Variants in DCLK1 observed in about 807,000 individuals in gnomAD.
DCLK1 encodes the protein serine/threonine-protein kinase DCLK1.
A neutral mutation model predicts 86.2 loss-of-function variants in DCLK1; 16 were observed. The ratio of observed to expected loss-of-function variants is 0.19; its 90% confidence interval spans 0.13 to 0.28. DCLK1 has a LOEUF of 0.28. Ranked by LOEUF, DCLK1 falls within the 10% of genes least tolerant of loss-of-function variation. DCLK1 has a pLI of 1.00. For synonymous variants in DCLK1, 369 were observed against 370.5 expected (o/e 1.00, Z 0.05); for missense variants, 590 against 940.2 (o/e 0.63, Z 4.87).
chr13:35,966,809 A>C lies in DCLK1; in HGVS notation c.724-19352T>G, dbSNP rs564910386. ...ACGGAGTCTCGCTCACTCAGCGCTC[A>C]ATGTTGCCCAGGCTGGAGTGCAGTG... On this transcript the variant is annotated intron_variant, in intron 3 of 16. Transcript: ENST00000360631. Among the ~76,000 whole-genome samples, 357 of 151,880 alleles carry C rather than the reference A, an allele frequency of 2.4e-3. 4 individuals carry two copies. The highest frequency in any genetic ancestry group is 8.3e-3 in the African/African-American group (344 of 41,444).
At chr13:35,867,967 G>GAAAGAAAGAAAGAA (rs1871974255) in intron 5 of DCLK1, among the ~76,000 whole-genome samples, 1 of 46,208 alleles carries the variant, frequency 2.2e-5, no homozygotes, top group South Asian at 8.2e-4. Flanking sequence ...GAAAGAAAGA[G>GAAAGAAAGAAAGAA]AAAAAGAAAG....
chr13:36,007,782 C>T (rs1230006876), intron 3 of DCLK1, among the ~76,000 whole-genome samples: 1 of 152,130 alleles, frequency 6.6e-6, no homozygotes, highest in Admixed American at 6.6e-5. Context: ...CTTCAAATAA[C>T]TAACGAAACT....
chr13:35,932,634 C>A (rs959709556), intron 4 of DCLK1, among the ~76,000 whole-genome samples: 5 of 152,022 alleles, frequency 3.3e-5, no homozygotes, highest in Non-Finnish European at 4.4e-5. Flanking sequence ...AGTGGAAATC[C>A]CCAACAAAAG....
intron 4 of DCLK1, among the ~76,000 whole-genome samples, chr13:35,878,566 G>GA (rs939866414): frequency 1.3e-5 from 2 of 151,846 alleles, no homozygotes; most frequent in South Asian, 2.1e-4. Context: ...AAAATAATTA[G>GA]AAAAAATGAA....
At chr13:35,821,205 T>C (rs1181149557) in intron 11 of DCLK1, among the ~76,000 whole-genome samples, 3 of 152,178 alleles carry the variant, frequency 2.0e-5, no homozygotes, top group Middle Eastern at 3.2e-3. Context: ...ACTTACCCAA[T>C]GTGGTTGCTG....
At chr13:35,807,394 G>A (rs2087048810) in intron 14 of DCLK1, among the ~76,000 whole-genome samples, 1 of 152,126 alleles carries the variant, frequency 6.6e-6, no homozygotes, top group South Asian at 2.1e-4. Context: ...CTCCCCCTCT[G>A]CCTCTAAATC....
rs142334259 is a variant in DCLK1, at chr13:35,796,349, G to A, written c.1945-2870C>T. ...AAACTTGAGCATAATTGTGGTCTTA[G>A]GATAAGAAGCTAGTGAAAAGGGAGA... On this transcript the variant is annotated intron_variant, in intron 15 of 16. Coordinates refer to ENST00000360631, the MANE Select transcript of DCLK1 (RefSeq NM_001330071.2). 1.7e-3 allele frequency among the ~76,000 whole-genome samples: 255 copies of A among 152,282 alleles called. 1 individual carries two copies. The highest frequency in any genetic ancestry group is 3.6e-3 in the African/African-American group (150 of 41,546).
At chr13:35,892,175 C>T (rs907354965) in intron 4 of DCLK1, among the ~76,000 whole-genome samples, 3 of 152,140 alleles carry the variant, frequency 2.0e-5, no homozygotes, top group African/African-American at 7.2e-5. Context: ...GTCTGTTTCA[C>T]CCTCTCTCCT....
At chr13:35,855,975 G>T in intron 5 of DCLK1, 1 of 509,896 alleles carries the variant, frequency 2.0e-6, no homozygotes, top group Non-Finnish European at 2.5e-6. Flanking sequence ...TCAGTGGCAA[G>T]GTAGGATGTT....
chr13:36,071,565 C>G (rs1010572267), intron 3 of DCLK1, among the ~76,000 whole-genome samples: 1 of 152,272 alleles, frequency 6.6e-6, no homozygotes, highest in Admixed American at 6.5e-5. Flanking sequence ...TAGTGGCTAT[C>G]ATGAAAGCTA....
chr13:36,006,286 G>A (rs1423586824), intron 3 of DCLK1, among the ~76,000 whole-genome samples: 1 of 152,224 alleles, frequency 6.6e-6, no homozygotes, highest in East Asian at 1.9e-4. Context: ...GCCGTACCAA[G>A]GAGCTGGGAG....
chr13:35,853,963 T>C (rs1463322637), intron 6 of DCLK1, among the ~76,000 whole-genome samples: 1 of 152,194 alleles, frequency 6.6e-6, no homozygotes. Flanking sequence ...ACTTTTTCAC[T>C]GTGGTCTCCA....
chr13:35,776,574 T>G (rs181007381), intron 16 of DCLK1, among the ~76,000 whole-genome samples: 1 of 152,226 alleles, frequency 6.6e-6, no homozygotes, highest in African/African-American at 2.4e-5. Flanking sequence ...TCTCATCTTT[T>G]AAATAAGAAG....
chr13:35,813,143 G>C (rs1297689717), intron 11 of DCLK1, among the ~76,000 whole-genome samples: 1 of 152,178 alleles, frequency 6.6e-6, no homozygotes, highest in African/African-American at 2.4e-5. Flanking sequence ...GAGCAGAATT[G>C]TTTACTTCCT....
intron 3 of DCLK1, among the ~76,000 whole-genome samples, chr13:35,952,422 A>AT (rs1877744456): frequency 6.6e-6 from 1 of 152,236 alleles, no homozygotes; most frequent in Non-Finnish European, 1.5e-5. Context: ...GACACGGTTT[A>AT]TACCACTGAC....
intron 4 of DCLK1, among the ~76,000 whole-genome samples, chr13:35,907,841 T>TAAA (rs35873614): frequency 3.1e-4 from 43 of 140,702 alleles, no homozygotes; most frequent in East Asian, 8.3e-4. Flanking sequence ...GAAAAAACTT[T>TAAA]AAAAAAAAAA....
At chr13:35,993,553 A>C (rs1224425703) in intron 3 of DCLK1, among the ~76,000 whole-genome samples, 1 of 152,110 alleles carries the variant, frequency 6.6e-6, no homozygotes, top group Non-Finnish European at 1.5e-5. Context: ...TATCTGTGAA[A>C]CTTGGGGAAA....
At chr13:35,864,656 T>C (rs1260200618) in intron 5 of DCLK1, among the ~76,000 whole-genome samples, 53 of 144,754 alleles carry the variant, frequency 3.7e-4, no homozygotes, top group East Asian at 1.2e-3. Flanking sequence ...TCTTCTCTCT[T>C]TTTTTTTTTT....
rs746000516 is a variant in DCLK1 at position 35,942,475 on chromosome 13, G to A, written c.823+4883C>T. ...TGGGATTACAGGCATGAGCCACTGC[G>A]CCTGGCCTCAAAAGGACACTTCTAA... On this transcript the variant is annotated intron_variant, in intron 4 of 16. Transcript: ENST00000360631. Among the ~76,000 whole-genome samples the A allele has an allele frequency of 3.3e-5, 5 of 152,224 alleles. No homozygotes were observed. The South Asian group carries it at 8.3e-4, about 25-fold the overall frequency.
Sources: gnomAD v4.1 joint callset for allele counts (sites outside exome capture counted in the v4.1 genomes callset) on GRCh38, gnomAD v4.1.1 for gene constraint, MANE v1.5 for transcripts, NCBI Gene and HGNC (gene_info 2026-07-23, HGNC 2026-07-21) for gene names.